RAPGEF1: variants seen among roughly 807,000 people sequenced by gnomAD.
The protein encoded by RAPGEF1 is Rap guanine nucleotide exchange factor 1, also known as CRK SH3-binding GNRP.
RAPGEF1 carries 33 observed loss-of-function variants against 143.3 expected under a neutral mutation model. The ratio of observed to expected loss-of-function variants is 0.23; its 90% CI spans 0.17 to 0.31. RAPGEF1 has a LOEUF of 0.31. Among genes scored for constraint, RAPGEF1 ranks in the 10% least tolerant of loss-of-function variants. The probability of loss-of-function intolerance (pLI) is 1.00; values close to 1 mark genes in which losing one functional copy is unlikely to be tolerated. For missense variants in RAPGEF1, 1,199 were observed against 1,645.4 expected (o/e 0.73, Z 4.69); for synonymous variants, 629 against 676.5 (o/e 0.93, Z 1.09).
intron 14 of RAPGEF1, among the ~76,000 whole-genome samples, chr9:131,603,057 T>G (rs1240854106): frequency 6.6e-6 from 1 of 152,240 alleles, no homozygotes; most frequent in African/African-American, 2.4e-5. Context: ...TCCCATGGAC[T>G]GGGTCAAATC....
At chr9:131,730,142 C>T (rs193235938) in intron 1 of RAPGEF1, among the ~76,000 whole-genome samples, 21 of 137,738 alleles carry the variant, frequency 1.5e-4, no homozygotes, top group East Asian at 1.1e-3. Context: ...TGCAGTGAGC[C>T]GAGACTGCAT....
chr9:131,725,973 A>G (rs946344502), intron 1 of RAPGEF1, among the ~76,000 whole-genome samples: 5 of 151,600 alleles, frequency 3.3e-5, no homozygotes, highest in African/African-American at 1.2e-4. Context: ...GTTAGCCAGG[A>G]TGGTCTCAAT....
At chr9:131,689,337 T>A (rs1429518397) in intron 1 of RAPGEF1, among the ~76,000 whole-genome samples, 1 of 152,176 alleles carries the variant, frequency 6.6e-6, no homozygotes, top group Non-Finnish European at 1.5e-5. Context: ...TTTGTTGTAT[T>A]TCAAGTACAT....
At chr9:131,609,017 T>C (rs1957572464) in intron 12 of RAPGEF1, among the ~76,000 whole-genome samples, 1 of 152,200 alleles carries the variant, frequency 6.6e-6, no homozygotes, top group Non-Finnish European at 1.5e-5. Context: ...CTTTTATTTA[T>C]AGCCAGAATA....
chr9:131,725,086 G>T lies in RAPGEF1; in HGVS notation c.61+14684C>A, dbSNP rs561153279. The T allele has an allele frequency of 3.9e-5, 6 of 152,334 alleles. No homozygotes were observed. The South Asian group carries it at 1.2e-3, about 32-fold the overall frequency. The allele number at this position is 152,334 out of a possible 1,614,324, so 9.4% of individuals were successfully genotyped here. On this transcript the variant is annotated intron_variant, in intron 1 of 26. Coordinates refer to ENST00000683357, the MANE Select transcript of RAPGEF1 (RefSeq NM_001377935.1). ...TGAAAACAGCCATCCTCATGGGTGT[G>T]AGCTGGTATCTCCCTGTGGTAGGTA...
At chr9:131,672,157 A>G (rs1287373197) in intron 1 of RAPGEF1, among the ~76,000 whole-genome samples, 1 of 152,224 alleles carries the variant, frequency 6.6e-6, no homozygotes, top group African/African-American at 2.4e-5. Context: ...GACCAAGCAC[A>G]GGTGCAAAGG....
intron 5 of RAPGEF1, 94 bp from the exon 6 acceptor site, chr9:131,630,418 AG>A: frequency 1.6e-6 from 2 of 1,237,332 alleles, no homozygotes; most frequent in Non-Finnish European, 2.3e-6. Flanking sequence ...TCTGCTGCTG[AG>A]TCTCATTTCT....
At chr9:131,700,647 T>C (rs1834562560) in intron 1 of RAPGEF1, among the ~76,000 whole-genome samples, 1 of 152,148 alleles carries the variant, frequency 6.6e-6, no homozygotes. Context: ...TCCCATTTAA[T>C]AGTAAAGGAA....
chr9:131,613,986 G>A (rs970764000), intron 12 of RAPGEF1, among the ~76,000 whole-genome samples: 2 of 152,204 alleles, frequency 1.3e-5, no homozygotes, highest in Admixed American at 6.5e-5. Context: ...TACTACGTGA[G>A]CTACGCCAGG....
Position 131,665,151 on chromosome 9 carries a change from G to A in RAPGEF1, c.62-14202C>T, listed in dbSNP as rs117008541. On this transcript the variant is annotated intron_variant, in intron 1 of 26. Coordinates refer to ENST00000683357, the MANE Select transcript of RAPGEF1 (RefSeq NM_001377935.1). The stretch of plus-strand genomic sequence containing the variant: ...GGGCCAGATGACTTCATTGTTGGGT[G>A]GTCTCATTACACAACACAAGCTCTT... Among the ~76,000 whole-genome samples the A allele has an allele frequency of 3.4e-3, 521 of 152,236 alleles. 2 individuals are homozygous for A. Among genetic ancestry groups the A allele is most frequent in the Non-Finnish European group, 6.2e-3 (425 of 68,010 alleles).
At chr9:131,704,351 A>T (rs1296597594) in intron 1 of RAPGEF1, among the ~76,000 whole-genome samples, 1 of 151,402 alleles carries the variant, frequency 6.6e-6, no homozygotes. Flanking sequence ...CCTATGGCAG[A>T]GCAACCACTG....
chr9:131,724,544 G>T (rs916086856), intron 1 of RAPGEF1, among the ~76,000 whole-genome samples: 1 of 152,052 alleles, frequency 6.6e-6, no homozygotes, highest in African/African-American at 2.4e-5. Flanking sequence ...GCAGTGAGCC[G>T]AGATCACGCC....
intron 12 of RAPGEF1, among the ~76,000 whole-genome samples, chr9:131,618,323 G>A (rs1452683799): frequency 2.0e-5 from 3 of 152,218 alleles, no homozygotes; most frequent in Non-Finnish European, 2.9e-5. Context: ...TCAGGTCCCA[G>A]GGATGTCAGT....
At chr9:131,725,785 G>A (rs1164271493) in intron 1 of RAPGEF1, among the ~76,000 whole-genome samples, 1 of 145,956 alleles carries the variant, frequency 6.9e-6, no homozygotes, top group Non-Finnish European at 1.5e-5. Context: ...TTGAGACGGA[G>A]TCTTGCTCTG....
intron 19 of RAPGEF1, 129 bp from the exon 20 acceptor site, chr9:131,589,115 G>A: frequency 1.1e-6 from 1 of 885,588 alleles, no homozygotes; most frequent in Non-Finnish European, 1.7e-6. Flanking sequence ...ATTTCTCATG[G>A]GAAGAGAGCA....
intron 10 of RAPGEF1, among the ~76,000 whole-genome samples, chr9:131,624,630 G>T (rs1009824949): frequency 4.6e-5 from 7 of 152,220 alleles, no homozygotes; most frequent in Non-Finnish European, 7.3e-5. Flanking sequence ...AGGAAAGGGG[G>T]TGAACCTGAA....
chr9:131,628,537 G>T lies in RAPGEF1; in HGVS notation c.1017+12C>A. 1 of 1,611,852 alleles carries T rather than the reference G, an allele frequency of 6.2e-7. No homozygotes were observed. Among genetic ancestry groups the T allele is most frequent in the Non-Finnish European group, 8.5e-7 (1 of 1,178,288 alleles). Reference sequence around the variant, plus strand: ...CCCTGCCTTCCCATGCAGGGAACAGGGGCTGCATTACCTGCCTATTGATTC... The same window carrying T: ...CCCTGCCTTCCCATGCAGGGAACAGTGGCTGCATTACCTGCCTATTGATTC... On this transcript the variant is annotated intron_variant, in intron 8 of 26. Coordinates refer to ENST00000683357, the MANE Select transcript of RAPGEF1 (RefSeq NM_001377935.1). This position sits in a 1 kb window ranked among gnomAD's most constrained non-coding sequence, Gnocchi z 5.7.
rs762910395 is a variant in RAPGEF1, at chr9:131,650,763, T to C, written c.201+47A>G. 2 of 1,600,804 alleles carry C rather than the reference T, an allele frequency of 1.2e-6. No individual in the cohort carries two copies. Among genetic ancestry groups the C allele is most frequent in the East Asian group, 2.2e-5 (1 of 44,820 alleles). On this transcript the variant is annotated intron_variant, in intron 2 of 26. Transcript: ENST00000683357. The surrounding 1 kb of genome is among the most constrained non-coding windows in gnomAD (Gnocchi z 4.7). Reference sequence around the variant, plus strand: ...AACATACAAATCGCACAAACTCATATTGCTGGAAGCAGGTGAGGCCAGGAG... The same window carrying C: ...AACATACAAATCGCACAAACTCATACTGCTGGAAGCAGGTGAGGCCAGGAG...
chr9:131,582,032 G>A (rs962828264), intron 25 of RAPGEF1, among the ~76,000 whole-genome samples: 3 of 152,182 alleles, frequency 2.0e-5, no homozygotes, highest in Non-Finnish European at 4.4e-5. Flanking sequence ...AAAGGCTCTC[G>A]TAAGTCCTGC....
Sources: allele counts gnomAD v4.1 joint callset (sites outside exome capture counted in the v4.1 genomes callset), GRCh38; gene constraint gnomAD v4.1.1; non-coding constraint Gnocchi (gnomAD v3.1); transcripts MANE v1.5; gene names NCBI Gene and HGNC (gene_info 2026-07-23, HGNC 2026-07-21).